Variants in ST6GAL1 observed in about 807,000 individuals in gnomAD.
ST6GAL1 encodes beta-galactoside alpha-2,6-sialyltransferase 1.
ST6GAL1 carries 20 observed loss-of-function variants against 38.0 expected under a neutral mutation model. That is an observed-to-expected ratio of 0.53 (90% CI 0.37 to 0.77). ST6GAL1 has a LOEUF of 0.77. Ranked by LOEUF, ST6GAL1 falls within the 30% of genes least tolerant of loss-of-function variation. ST6GAL1 has a pLI of 0.00. For synonymous variants in ST6GAL1, 196 were observed against 188.2 expected (o/e 1.04, Z -0.34); for missense variants, 432 against 496.4 (o/e 0.87, Z 1.23).
At chr3:186,981,964 C>A (rs780257762) in intron 2 of ST6GAL1, among the ~76,000 whole-genome samples, 8 of 152,056 alleles carry the variant, frequency 5.3e-5, no homozygotes, top group Non-Finnish European at 7.4e-5. Flanking sequence ...TGCTTTACAT[C>A]TATTTTCTCA....
chr3:187,051,753 AAGAC>A (rs144845043), intron 5 of ST6GAL1, among the ~76,000 whole-genome samples: 1 of 152,270 alleles, frequency 6.6e-6, no homozygotes, highest in East Asian at 1.9e-4. Flanking sequence ...CAACTACTAT[AAGAC>A]AGTGTCACCA....
At chr3:186,958,606 G>C (rs144819077) in intron 1 of ST6GAL1, among the ~76,000 whole-genome samples, 1 of 152,278 alleles carries the variant, frequency 6.6e-6, no homozygotes, top group African/African-American at 2.4e-5. Context: ...TTACAGCCTT[G>C]CAGTACCACT....
chr3:186,956,304 G>A (rs762507675), intron 1 of ST6GAL1, among the ~76,000 whole-genome samples: 2 of 152,118 alleles, frequency 1.3e-5, no homozygotes, highest in Non-Finnish European at 2.9e-5. Flanking sequence ...CCCATTTGGT[G>A]GCAAAACCTG....
At chr3:186,979,782 C>T (rs1323481766) in intron 2 of ST6GAL1, among the ~76,000 whole-genome samples, 1 of 152,102 alleles carries the variant, frequency 6.6e-6, no homozygotes, top group Non-Finnish European at 1.5e-5. Flanking sequence ...TGTGTAGGTG[C>T]TTAATGCTTC....
intron 2 of ST6GAL1, among the ~76,000 whole-genome samples, chr3:186,984,671 G>T (rs1715806989): frequency 6.6e-6 from 1 of 151,616 alleles, no homozygotes; most frequent in Non-Finnish European, 1.5e-5. Context: ...TTGGAAAATG[G>T]AAACCTACCT....
At chr3:187,007,143 C>T (rs183535708) in intron 2 of ST6GAL1, among the ~76,000 whole-genome samples, 10 of 152,230 alleles carry the variant, frequency 6.6e-5, no homozygotes, top group South Asian at 2.1e-4. Context: ...CAATGACTCA[C>T]GATGAACATG....
At chr3:186,982,386 G>A (rs748720353) in intron 2 of ST6GAL1, among the ~76,000 whole-genome samples, 2 of 152,148 alleles carry the variant, frequency 1.3e-5, no homozygotes, top group Non-Finnish European at 2.9e-5. Context: ...TTGGTTGCTC[G>A]TGACTCTCAG....
chr3:187,035,071 A>G (rs1330668559), intron 2 of ST6GAL1, among the ~76,000 whole-genome samples: 1 of 152,236 alleles, frequency 6.6e-6, no homozygotes. Context: ...ATACAAAACC[A>G]GTGTATAAAA....
intron 1 of ST6GAL1, among the ~76,000 whole-genome samples, chr3:186,934,179 C>T (rs1172917248): frequency 1.3e-5 from 2 of 152,148 alleles, no homozygotes; most frequent in Non-Finnish European, 2.9e-5. Context: ...TCCAGCGGAG[C>T]GGAAGATGCT....
chr3:187,062,520 T>C (rs1043419396), intron 5 of ST6GAL1, among the ~76,000 whole-genome samples: 1 of 149,732 alleles, frequency 6.7e-6, no homozygotes, highest in Non-Finnish European at 1.5e-5. Context: ...AATACCGAGA[T>C]TGGCTACAAC....
At chr3:186,988,841 G>C (rs1281188070) in intron 2 of ST6GAL1, among the ~76,000 whole-genome samples, 1 of 152,126 alleles carries the variant, frequency 6.6e-6, no homozygotes, top group African/African-American at 2.4e-5. Flanking sequence ...TTGAGTCCGA[G>C]AGGTGGAGGT....
chr3:186,942,949 G>A (rs1172907652), intron 1 of ST6GAL1, among the ~76,000 whole-genome samples: 8 of 152,104 alleles, frequency 5.3e-5, no homozygotes, highest in African/African-American at 9.7e-5. Context: ...GTGATCCACC[G>A]ACCTCGGCCT....
At chr3:186,946,621 A>AT (rs1714380507) in intron 1 of ST6GAL1, among the ~76,000 whole-genome samples, 1 of 152,174 alleles carries the variant, frequency 6.6e-6, no homozygotes, top group Admixed American at 6.5e-5. Context: ...ACTTCTATCC[A>AT]TATACAGATA....
intron 3 of ST6GAL1, among the ~76,000 whole-genome samples, chr3:187,039,269 C>T (rs539096382): frequency 6.6e-6 from 1 of 152,138 alleles, no homozygotes; most frequent in Non-Finnish European, 1.5e-5. Flanking sequence ...TGATGCAAGT[C>T]GCTGTGTTCT....
chr3:187,078,342 G>T lies in ST6GAL1; in HGVS notation c.*2539G>T, dbSNP rs1042757. On this transcript the variant is annotated 3_prime_UTR_variant, in exon 8 of 8. Coordinates refer to ENST00000169298, the MANE Select transcript of ST6GAL1 (RefSeq NM_173216.2). ...GTGACAGTTAATTTAAAAATTATGA[G>T]TTAATGCTGCCTGTGTCTATGGGGT... is the stretch of plus-strand genomic sequence containing the variant. 1 of 151,954 alleles carries T rather than the reference G, an allele frequency of 6.6e-6. No individual in the cohort carries two copies. Among genetic ancestry groups the T allele is most frequent in the Non-Finnish European group, 1.5e-5 (1 of 67,982 alleles). The allele number at this position is 151,954 out of a possible 1,614,324, so 9.4% of individuals were successfully genotyped here.
intron 2 of ST6GAL1, among the ~76,000 whole-genome samples, chr3:187,030,818 T>C (rs1057140482): frequency 2.0e-5 from 3 of 152,182 alleles, no homozygotes; most frequent in African/African-American, 7.2e-5. Context: ...CACACAGTTG[T>C]GTGTGGTCTG....
chr3:187,032,758 C>A (rs1717797091), intron 2 of ST6GAL1, among the ~76,000 whole-genome samples: 1 of 152,114 alleles, frequency 6.6e-6, no homozygotes, highest in Admixed American at 6.5e-5. Context: ...GAAAACCGTC[C>A]TTCTTTGAGC....
chr3:186,961,514 C>G (rs1424626298), intron 1 of ST6GAL1, among the ~76,000 whole-genome samples: 1 of 152,134 alleles, frequency 6.6e-6, no homozygotes, highest in Admixed American at 6.5e-5. Flanking sequence ...GCAGGGTGGG[C>G]AGGTAGAATG....
At chr3:187,017,542 AC>A (rs1397387876) in intron 2 of ST6GAL1, among the ~76,000 whole-genome samples, 2 of 152,108 alleles carry the variant, frequency 1.3e-5, no homozygotes, top group Non-Finnish European at 2.9e-5. Flanking sequence ...GACTTGAACA[AC>A]CTTTTTCTCC....
Sources: allele counts gnomAD v4.1 joint callset (sites outside exome capture counted in the v4.1 genomes callset), GRCh38; gene constraint gnomAD v4.1.1; transcripts MANE v1.5; gene names NCBI Gene and HGNC (gene_info 2026-07-23, HGNC 2026-07-21).